Variants in ATP2B4 observed in about 807,000 individuals in gnomAD.
ATP2B4 encodes the protein ATPase plasma membrane Ca2+ transporting 4.
A neutral mutation model predicts 110.3 loss-of-function variants in ATP2B4; 39 were observed. The ratio of observed to expected loss-of-function variants is 0.35; its 90% CI spans 0.27 to 0.46. The LOEUF (loss-of-function observed/expected upper bound fraction) is 0.46. Among genes scored for constraint, ATP2B4 ranks in the 20% least tolerant of loss-of-function variants. The pLI, the probability that ATP2B4 is intolerant of heterozygous loss-of-function variation, is 1.00. For missense variants in ATP2B4, 1,135 were observed against 1,530.9 expected (o/e 0.74, Z 4.32); for synonymous variants, 538 against 571.7 (o/e 0.94, Z 0.84).
At chr1:203,646,481 C>T (rs761517908) in intron 1 of ATP2B4, among the ~76,000 whole-genome samples, 42 of 152,080 alleles carry the variant, frequency 2.8e-4, no homozygotes, top group African/African-American at 9.9e-4. Context: ...AAAAAACAGT[C>T]GACCAGGCAC....
chr1:203,683,601 T>C (rs1455371545), intron 2 of ATP2B4, among the ~76,000 whole-genome samples: 2 of 151,916 alleles, frequency 1.3e-5, no homozygotes, highest in Admixed American at 1.3e-4. Context: ...GTTTAGAAAG[T>C]GTGCTATTCT....
At chr1:203,736,058 T>C (rs1348242973) in intron 20 of ATP2B4, among the ~76,000 whole-genome samples, 1 of 152,224 alleles carries the variant, frequency 6.6e-6, no homozygotes, top group African/African-American at 2.4e-5. Context: ...AAAACCCTCT[T>C]TCCCATTCCA....
Position 203,657,506 on chromosome 1 carries a change from C to CT in ATP2B4, c.-464-25232dup, listed in dbSNP as rs934007537. 10 of 788,990 alleles carry CT rather than the reference C, an allele frequency of 1.3e-5. No homozygotes were observed. The African/African-American group carries it at 1.7e-4, about 13-fold the overall frequency. The allele number at this position is 788,990 out of a possible 1,614,324, so 48.9% of individuals were successfully genotyped here. A position where few individuals can be genotyped will look rare whatever the true frequency, so the allele number is the denominator to read the frequency against. On this transcript the variant is annotated intron_variant, in intron 1 of 20. Transcript: ENST00000357681. ...AAGCAGGTACTGCTCCCTGTGGAGT[C>CT]TTTTCATCCTTCTTTTGTTTGGTGT...
intron 1 of ATP2B4, among the ~76,000 whole-genome samples, chr1:203,675,707 G>T (rs1306838389): frequency 2.0e-5 from 3 of 152,162 alleles, no homozygotes; most frequent in Non-Finnish European, 4.4e-5. Flanking sequence ...TGGAGAGGGG[G>T]AAGTAAGTGA....
At chr1:203,709,573 C>G in intron 11 of ATP2B4, 31 bp downstream of exon 11, 2 of 1,613,028 alleles carry the variant, frequency 1.2e-6, no homozygotes, top group Non-Finnish European at 1.7e-6. Flanking sequence ...TGCTTCCCTT[C>G]AAGATCCTCT....
At chr1:203,729,705 T>G (rs1028775754) in intron 20 of ATP2B4, 2 of 1,342,056 alleles carry the variant, frequency 1.5e-6, no homozygotes, top group Non-Finnish European at 2.0e-6. Flanking sequence ...GGGACACAGG[T>G]GCTTCCTGGG....
At chr1:203,645,590 C>CTTTT (rs751707749) in intron 1 of ATP2B4, among the ~76,000 whole-genome samples, 1 of 138,536 alleles carries the variant, frequency 7.2e-6, no homozygotes, top group Non-Finnish European at 1.6e-5. Flanking sequence ...CCTTTTCTTT[C>CTTTT]TTTTTTTTTT....
chr1:203,689,661 T>C (rs1665305882), intron 2 of ATP2B4, among the ~76,000 whole-genome samples: 1 of 152,214 alleles, frequency 6.6e-6, no homozygotes, highest in African/African-American at 2.4e-5. Context: ...TTCAACAACA[T>C]TCAACTAATA....
chr1:203,673,520 C>T (rs1481333384), intron 1 of ATP2B4, among the ~76,000 whole-genome samples: 3 of 152,166 alleles, frequency 2.0e-5, no homozygotes, highest in Non-Finnish European at 2.9e-5. Flanking sequence ...AGCATGGAGC[C>T]CTCGCTGATT....
chr1:203,668,425 T>C (rs6670576), intron 1 of ATP2B4, among the ~76,000 whole-genome samples: 120,199 of 152,110 alleles, frequency 0.79, 49,494 homozygotes, highest in Middle Eastern at 0.9. Flanking sequence ...ATTTTTTAGA[T>C]GGCTATAGTT....
chr1:203,739,854 A>C lies in ATP2B4; in HGVS notation c.3618A>C (p.Ter1206CysextTer5), dbSNP rs979568885. 3.1e-6 allele frequency: 5 copies of C among 1,602,528 alleles called. No homozygotes were observed. In the African/African-American group the frequency reaches 6.7e-5, roughly 22 times the overall value. ...SSLQSLETSV[*>C] is the part of the protein sequence containing the mutation. Reference sequence around the variant, plus strand: ...TACAGAGCCTAGAGACATCAGTTTGAATTTTCTTTCTCTGACTCTCATCCC... The same window carrying C: ...TACAGAGCCTAGAGACATCAGTTTGCATTTTCTTTCTCTGACTCTCATCCC... The change falls in exon 21 of 21, where the codon TGA (stop) becomes TGC (cysteine). Residue 1206 changes from the stop codon to cysteine, a stop_lost. Coordinates refer to ENST00000357681, the MANE Select transcript of ATP2B4 (RefSeq NM_001684.5).
intron 20 of ATP2B4, among the ~76,000 whole-genome samples, chr1:203,739,115 G>A (rs1340714451): frequency 6.6e-6 from 1 of 152,128 alleles, no homozygotes; most frequent in African/African-American, 2.4e-5. Context: ...TTCACAAAAT[G>A]TTTGGCCTCA....
At position 203,708,092 on chromosome 1, in the gene ATP2B4, C is replaced by T. The variant is rs114362667; in HGVS notation, c.1545C>T (p.Thr515=). 1.5e-3 allele frequency: 2,430 copies of T among 1,614,164 alleles called. 24 individuals carry two copies. The African/African-American group carries it at 0.023, about 16-fold the overall frequency. The change falls in exon 10 of 21, where the codon ACC becomes ACT. Residue 515 remains threonine (T), a synonymous_variant. Transcript: ENST00000357681. ...VNGISINSAY[T]SKILPPEKEG... ...GCATTTCTATCAACAGTGCTTATAC[C>T]TCCAAGATTCTGGTAAGCATTTCCT... is the stretch of plus-strand genomic sequence containing the variant.
rs753002291 is a variant in ATP2B4 at position 203,709,404 on chromosome 1, G to A, written c.1661G>A (p.Arg554His). The A allele has an allele frequency of 1.1e-5, 18 of 1,614,118 alleles. No individual in the cohort carries two copies. The highest frequency in any genetic ancestry group is 1.6e-4 in the Middle Eastern group (1 of 6,084). The change falls in exon 11 of 21, where the codon CGT (arginine) becomes CAT (histidine). Residue 554 changes from arginine (R) to histidine (H), a missense_variant. Arg to His is a conservative substitution (Grantham distance 29, BLOSUM62 0). Transcript: ENST00000357681. ...CTGAAGCAGGATTATCAGGCTGTGC[G>A]TAATGAAGTGCCCGAGGAGAAGCTC... ...TDLKQDYQAV[R>H]NEVPEEKLYK...
At chr1:203,668,649 C>T (rs1246937885) in intron 1 of ATP2B4, among the ~76,000 whole-genome samples, 2 of 152,198 alleles carry the variant, frequency 1.3e-5, no homozygotes, top group Non-Finnish European at 2.9e-5. Context: ...ACCCATCATC[C>T]GTGACCCCAG....
chr1:203,731,745 G>A (rs1031275682), intron 20 of ATP2B4, among the ~76,000 whole-genome samples: 16 of 151,740 alleles, frequency 1.1e-4, no homozygotes, highest in Non-Finnish European at 1.9e-4. Flanking sequence ...TGCTACTCAG[G>A]AGGCTGAGGC....
At chr1:203,729,360 C>A (rs1306024715) in intron 20 of ATP2B4, among the ~76,000 whole-genome samples, 2 of 151,998 alleles carry the variant, frequency 1.3e-5, no homozygotes, top group Non-Finnish European at 2.9e-5. Flanking sequence ...GCCTGGCCAA[C>A]ATAGTGAAAC....
chr1:203,738,212 A>G (rs1006066483), intron 20 of ATP2B4, among the ~76,000 whole-genome samples: 1 of 151,724 alleles, frequency 6.6e-6, no homozygotes, highest in Admixed American at 6.6e-5. Flanking sequence ...CCTTCCAACA[A>G]CTAGAACCGT....
intron 14 of ATP2B4, among the ~76,000 whole-genome samples, chr1:203,713,895 C>A (rs1463715891): frequency 6.6e-6 from 1 of 152,130 alleles, no homozygotes; most frequent in Non-Finnish European, 1.5e-5. Context: ...ACCCAAATTA[C>A]CCAGCTGGTA....
Sources: allele counts gnomAD v4.1 joint callset (sites outside exome capture counted in the v4.1 genomes callset), GRCh38; gene constraint gnomAD v4.1.1; transcripts MANE v1.5; gene names NCBI Gene and HGNC (gene_info 2026-07-23, HGNC 2026-07-21).